Variants in DLC1 observed in about 807,000 individuals in gnomAD.
DLC1 encodes the protein rho GTPase-activating protein 7.
Under a neutral mutation model 140.3 loss-of-function variants are expected in DLC1, and 54 were observed. The observed-to-expected ratio is 0.38, with a 90% CI of 0.31 to 0.48. The LOEUF (loss-of-function observed/expected upper bound fraction) is 0.48. DLC1 is among the 20% of genes least tolerant of loss of function. The pLI is 0.96. For synonymous variants in DLC1, 986 were observed against 728.1 expected (o/e 1.35, Z -5.70); for missense variants, 2,536 against 1,907.0 (o/e 1.33, Z -6.14).
chr8:13,343,351 C>G (rs1037763320), intron 4 of DLC1, among the ~76,000 whole-genome samples: 1 of 152,166 alleles, frequency 6.6e-6, no homozygotes, highest in African/African-American at 2.4e-5. Context: ...GGCTGTCATT[C>G]TGCATAACTC....
chr8:13,105,126 G>C (rs1194467568), intron 7 of DLC1, among the ~76,000 whole-genome samples: 1 of 152,120 alleles, frequency 6.6e-6, no homozygotes, highest in Non-Finnish European at 1.5e-5. Context: ...GGCTGGAGAG[G>C]GGTTTAGCCT....
chr8:13,394,547 G>A (rs1487423759), intron 3 of DLC1, among the ~76,000 whole-genome samples: 4 of 152,108 alleles, frequency 2.6e-5, no homozygotes, highest in Non-Finnish European at 5.9e-5. Flanking sequence ...TTGCACAGAG[G>A]AAAGGTGGGA....
chr8:13,551,992 T>C (rs1380146486), intron 1 of DLC1, among the ~76,000 whole-genome samples: 1 of 145,238 alleles, frequency 6.9e-6, no homozygotes, highest in African/African-American at 2.5e-5. Flanking sequence ...TGTATATATA[T>C]GTGTGTGTGT....
intron 5 of DLC1, among the ~76,000 whole-genome samples, chr8:13,121,816 G>C (rs943226795): frequency 1.3e-5 from 2 of 152,130 alleles, no homozygotes; most frequent in African/African-American, 2.4e-5. Flanking sequence ...GCCTCCCAAA[G>C]TGCTGGGATT....
intron 5 of DLC1, among the ~76,000 whole-genome samples, chr8:13,218,732 A>G (rs1828332328): frequency 6.8e-6 from 1 of 147,528 alleles, no homozygotes; most frequent in Non-Finnish European, 1.5e-5. Context: ...TAAGTTAAAT[A>G]TATAATTATC....
At chr8:13,275,627 G>A (rs541414512) in intron 5 of DLC1, among the ~76,000 whole-genome samples, 1 of 152,304 alleles carries the variant, frequency 6.6e-6, no homozygotes, top group South Asian at 2.1e-4. Flanking sequence ...TGCAAACACA[G>A]TCTACCATTT....
chr8:13,263,906 G>C (rs1325951923), intron 5 of DLC1, among the ~76,000 whole-genome samples: 1 of 151,608 alleles, frequency 6.6e-6, no homozygotes, highest in African/African-American at 2.4e-5. Flanking sequence ...TTCTACCCAT[G>C]TGCGCACAGA....
At chr8:13,518,260 C>G (rs1018931460), upstream of DLC1, among the ~76,000 whole-genome samples, 4 of 152,072 alleles carry the variant, frequency 2.6e-5, no homozygotes, top group African/African-American at 7.2e-5. Flanking sequence ...AGATGCACTC[C>G]ACCACACTTG....
chr8:13,550,825 CA>C (rs1231781755), intron 1 of DLC1, among the ~76,000 whole-genome samples: 1 of 152,030 alleles, frequency 6.6e-6, no homozygotes, highest in African/African-American at 2.4e-5. Context: ...AACTCTGGCT[CA>C]GATTCTTGAA....
chr8:13,542,988 T>G (rs12546375), intron 1 of DLC1, among the ~76,000 whole-genome samples: 18,285 of 152,070 alleles, frequency 0.12, 1,285 homozygotes, highest in Non-Finnish European at 0.14. Flanking sequence ...TTGTCTTCTT[T>G]TTATCACTAT....
At chr8:13,567,286 G>T in intron 1 of DLC1, 1 of 1,551,720 alleles carries the variant, frequency 6.4e-7, no homozygotes, top group Non-Finnish European at 8.7e-7. Context: ...CTCTAACTTT[G>T]AACGGCACCA....
chr8:13,424,665 C>T (rs532084763), intron 2 of DLC1, among the ~76,000 whole-genome samples: 3 of 151,990 alleles, frequency 2.0e-5, no homozygotes, highest in South Asian at 4.2e-4. Flanking sequence ...CTTCACCTCC[C>T]GGGTTCATGC....
upstream of DLC1, among the ~76,000 whole-genome samples, chr8:13,518,963 A>T (rs892399757): frequency 9.2e-5 from 14 of 152,024 alleles, no homozygotes; most frequent in Non-Finnish European, 2.1e-4. Flanking sequence ...TTCTTTTTTT[A>T]AAAATATATT....
At chr8:13,393,448 C>T (rs559039722) in intron 4 of DLC1, 105 bp downstream of exon 4, 25 of 1,277,720 alleles carry the variant, frequency 2.0e-5, no homozygotes, top group Non-Finnish European at 1.1e-6. Context: ...GTCACTATGG[C>T]TAAGATTCCA....
Position 13,098,493 on chromosome 8 carries a change from C to T in DLC1, c.3073G>A (p.Val1025Met). 1 of 1,614,204 alleles carries T rather than the reference C, an allele frequency of 6.2e-7. No homozygotes were observed. Among genetic ancestry groups the T allele is most frequent in the South Asian group, 1.1e-5 (1 of 91,080 alleles). The change falls in exon 10 of 18, where the codon GTG becomes ATG. Residue 1025 changes from valine (V) to methionine (M), a missense_variant. Coordinates refer to ENST00000276297, the MANE Select transcript of DLC1 (RefSeq NM_182643.3). Reference sequence around the variant, plus strand: ...TTCTGCAGCAGGTTCATCTGGGCCACAGACTGGCAGTTAATCTGTAGTGAT... The same window carrying T: ...TTCTGCAGCAGGTTCATCTGGGCCATAGACTGGCAGTTAATCTGTAGTGAT... Reference protein sequence around the residue: ...SVSLQINCQSVAQMNLLQKYS... With the variant: ...SVSLQINCQSMAQMNLLQKYS...
intron 2 of DLC1, among the ~76,000 whole-genome samples, chr8:13,453,439 TATATATATAC>T (rs1799209683): frequency 6.1e-5 from 2 of 32,900 alleles, no homozygotes; most frequent in Admixed American, 3.4e-4. Flanking sequence ...TATATATATG[TATATATATAC>T]ATATATATAT....
chr8:13,542,609 CCTT>C (rs1169078263), intron 1 of DLC1, among the ~76,000 whole-genome samples: 1 of 151,576 alleles, frequency 6.6e-6, no homozygotes, highest in Non-Finnish European at 1.5e-5. Context: ...ACACTATTGA[CCTT>C]CTGATCAATA....
At position 13,115,628 on chromosome 8, in the gene DLC1, G is replaced by A; in HGVS notation, c.1378C>T (p.Leu460=). ...EIEAKEACDW[L]RATGFPQYAQ... ...TACTGGGGGAAACCAGTTGCCCGTA[G>A]CCAATCACAAGCTTCCTTGGCTTCA... Residue 460 remains leucine (L), a synonymous_variant, in exon 6 of 18, where the codon CTA becomes TTA. Transcript: ENST00000276297. The A allele has an allele frequency of 6.2e-7, 1 of 1,614,072 alleles. No homozygotes were observed. The highest frequency in any genetic ancestry group is 8.5e-7 in the Non-Finnish European group (1 of 1,179,978).
chr8:13,489,677 C>A (rs1237263797), intron 2 of DLC1, among the ~76,000 whole-genome samples: 1 of 152,000 alleles, frequency 6.6e-6, no homozygotes, highest in East Asian at 1.9e-4. Context: ...GGCAGTTTGG[C>A]TTCAGAGGCT....
Sources: allele counts gnomAD v4.1 joint callset (sites outside exome capture counted in the v4.1 genomes callset), GRCh38; gene constraint gnomAD v4.1.1; transcripts MANE v1.5; gene names NCBI Gene and HGNC (gene_info 2026-07-23, HGNC 2026-07-21).